Variants in LTBP2 observed in about 807,000 individuals in gnomAD.
The protein encoded by LTBP2 is latent-transforming growth factor beta-binding protein 2.
LTBP2 carries 103 observed loss-of-function variants against 210.6 expected under a neutral mutation model. The observed-to-expected ratio is 0.49, with a 90% CI of 0.42 to 0.58. LTBP2 has a LOEUF of 0.58. Among genes scored for constraint, LTBP2 ranks in the 20% least tolerant of loss-of-function variants. LTBP2 has a pLI of 0.00. For missense variants in LTBP2, 2,313 were observed against 2,494.5 expected (o/e 0.93, Z 1.55); for synonymous variants, 1,007 against 1,015.0 (o/e 0.99, Z 0.15).
intron 4 of LTBP2, among the ~76,000 whole-genome samples, chr14:74,555,146 G>T (rs2139751707): frequency 6.6e-6 from 1 of 152,290 alleles, no homozygotes; most frequent in African/African-American, 2.4e-5. Context: ...CAACTGGTTG[G>T]GTTGATCCAG....
At position 74,505,079 on chromosome 14, in the gene LTBP2, T is replaced by A; in HGVS notation, c.4273A>T (p.Ser1425Cys). 1 of 1,614,148 alleles carries A rather than the reference T, an allele frequency of 6.2e-7. No homozygotes were observed. The highest frequency in any genetic ancestry group is 8.5e-7 in the Non-Finnish European group (1 of 1,180,036). Reference sequence around the variant, plus strand: ...TGTGTGGTGTTCCGGCCCAGGACACTGGAGCAGGGCGCATGGCCCTTCTGC... The same window carrying A: ...TGTGTGGTGTTCCGGCCCAGGACACAGGAGCAGGGCGCATGGCCCTTCTGC... ...SGQKGHAPCS[S>C]VLGRNTTQAE... The change falls in exon 29 of 36, where the codon AGT becomes TGT. Residue 1425 changes from serine to cysteine, a missense_variant. This residue lies in a region of LTBP2 where 1,867 missense variants were observed against 1,976.9 expected (regional missense o/e 0.94). Transcript: ENST00000261978.
rs2088210079 is a variant in LTBP2 at position 74,586,686 on chromosome 14, G to A, written c.566-568C>T. On this transcript the variant is annotated intron_variant, in intron 2 of 35. Coordinates refer to ENST00000261978, the MANE Select transcript of LTBP2 (RefSeq NM_000428.3). This position sits in a 1 kb window ranked among gnomAD's most constrained non-coding sequence, Gnocchi z 4.6. ...TATTTGCGCCTAAATCACGGGAGGG[G>A]TGAACTAAGGAGGCTGGAGGACTCT... Among the ~76,000 whole-genome samples, 2 of 152,186 alleles carry A rather than the reference G, an allele frequency of 1.3e-5. No individual in the cohort carries two copies. The highest frequency in any genetic ancestry group is 2.9e-5 in the Non-Finnish European group (2 of 68,030).
intron 3 of LTBP2, among the ~76,000 whole-genome samples, chr14:74,564,139 A>ATATATATATATTTATATATATT (rs2087845726): frequency 1.1e-4 from 1 of 9,236 alleles, no homozygotes; most frequent in Non-Finnish European, 1.9e-4. Flanking sequence ...ATATATATTT[A>ATATATATATATTTATATATATT]TATATATATA....
chr14:74,504,199 G>A, intron 30 of LTBP2, 145 bp from the exon 31 acceptor site: 2 of 929,112 alleles, frequency 2.2e-6, no homozygotes, highest in Non-Finnish European at 3.4e-6. Context: ...AGTTCGCCTT[G>A]CCTCCGGTTC....
rs933383478 is a variant in LTBP2, at chr14:74,510,363, C to T, written c.3029-150G>A. On this transcript the variant is annotated intron_variant, in intron 19 of 35. Transcript: ENST00000261978. ...TGGGGAGGCCATGAGGCCATGCTCCCTCCTCCCACCTAGGCAGGGCAGGGC... is the reference window on the plus strand; with the variant it reads ...TGGGGAGGCCATGAGGCCATGCTCCTTCCTCCCACCTAGGCAGGGCAGGGC... The T allele has an allele frequency of 7.9e-6, 9 of 1,139,222 alleles. No individual in the cohort carries two copies. The Admixed American group carries it at 1.6e-4, about 20-fold the overall frequency. 70.6% of individuals were successfully genotyped at this position (1,139,222 alleles called of 1,614,324 possible). A position where few individuals can be genotyped will look rare whatever the true frequency, so the allele number is the denominator to read the frequency against.
rs699372 is a variant in LTBP2 at position 74,526,294 on chromosome 14, A to C, written c.2389-180T>G. ...GGGCATTCTGCCAGGCACTTTACAC[A>C]CACTCACTTCATTAACCTTCTCAAC... On this transcript the variant is annotated intron_variant, in intron 13 of 35. Coordinates refer to ENST00000261978, the MANE Select transcript of LTBP2 (RefSeq NM_000428.3). 0.34 allele frequency among the ~76,000 whole-genome samples: 51,967 copies of C among 152,178 alleles called. 9,500 individuals carry two copies. Among genetic ancestry groups the C allele is most frequent in the African/African-American group, 0.46 (19,157 of 41,480 alleles).
chr14:74,601,496 G>A (rs937726275), intron 2 of LTBP2, among the ~76,000 whole-genome samples: 24 of 152,218 alleles, frequency 1.6e-4, no homozygotes, highest in Non-Finnish European at 2.2e-4. Flanking sequence ...AGGCATCCAC[G>A]TTCCCTGAAA....
Position 74,500,850 on chromosome 14 carries a change from A to T in LTBP2, c.*34T>A. ...AGGCCCCTGCCTGTGACTGGAGGCC[A>T]TTTCCAGGTAGTTGCCACACTGACC... On this transcript the variant is annotated 3_prime_UTR_variant, in exon 36 of 36. Transcript: ENST00000261978. 1 of 1,613,144 alleles carries T rather than the reference A, an allele frequency of 6.2e-7. No individual in the cohort carries two copies. The highest frequency in any genetic ancestry group is 8.5e-7 in the Non-Finnish European group (1 of 1,179,904).
intron 2 of LTBP2, among the ~76,000 whole-genome samples, chr14:74,593,574 C>T (rs986867778): frequency 6.6e-5 from 10 of 152,320 alleles, no homozygotes; most frequent in African/African-American, 1.9e-4. Context: ...GAGAGTCTCA[C>T]ACTGTAGCCA....
Position 74,546,501 on chromosome 14 carries a change from G to C in LTBP2, c.1789+3362C>G, listed in dbSNP as rs546839837. ...AACTGCACTTTCATGTGTTTTTGAT[G>C]TTTATGTTGCCCTGGTCTTTGTTAT... is the stretch of plus-strand genomic sequence containing the variant. On this transcript the variant is annotated intron_variant, in intron 8 of 35. Transcript: ENST00000261978. 2.6e-5 allele frequency among the ~76,000 whole-genome samples: 4 copies of C among 152,332 alleles called. No individual in the cohort carries two copies. In the South Asian group the frequency reaches 6.2e-4, roughly 24 times the overall value.
chr14:74,537,088 A>G (rs1244288082), intron 8 of LTBP2, among the ~76,000 whole-genome samples: 1 of 152,016 alleles, frequency 6.6e-6, no homozygotes, highest in East Asian at 1.9e-4. Flanking sequence ...CCAACAAGGA[A>G]ATTATTCTCA....
intron 27 of LTBP2, among the ~76,000 whole-genome samples, 175 bp downstream of exon 27, chr14:74,506,523 G>A (rs1419068392): frequency 6.6e-6 from 1 of 152,178 alleles, no homozygotes; most frequent in Non-Finnish European, 1.5e-5. Context: ...CCCCTTACCC[G>A]CCCGGCCCAT....
chr14:74,579,674 G>A (rs985581758), intron 3 of LTBP2, among the ~76,000 whole-genome samples: 4 of 152,228 alleles, frequency 2.6e-5, no homozygotes, highest in Non-Finnish European at 5.9e-5. Flanking sequence ...AACAAGAGCT[G>A]CCCTGGTGCC....
chr14:74,524,012 C>G (rs1362138944), intron 15 of LTBP2, among the ~76,000 whole-genome samples: 1 of 152,078 alleles, frequency 6.6e-6, no homozygotes, highest in Non-Finnish European at 1.5e-5. Flanking sequence ...AAATGTCTGC[C>G]CAGAGGGGTG....
chr14:74,515,252 AT>A lies in LTBP2; in HGVS notation c.2908+1569del, dbSNP rs575476350. Among the ~76,000 whole-genome samples, 1,237 of 125,420 alleles carry A rather than the reference AT, an allele frequency of 9.9e-3. 6 individuals carry two copies. Among genetic ancestry groups the A allele is most frequent in the African/African-American group, 0.032 (1,032 of 32,326 alleles). 82.3% of individuals were successfully genotyped at this position (125,420 alleles called of 152,430 possible). ...ACACAGACTGGTTAATATAAATCTGATTTTTTTTTTTTTTTTTTTTTTGAGA... is the reference window on the plus strand; with the variant it reads ...ACACAGACTGGTTAATATAAATCTGATTTTTTTTTTTTTTTTTTTTTGAGA... On this transcript the variant is annotated intron_variant, in intron 18 of 35. Coordinates refer to ENST00000261978, the MANE Select transcript of LTBP2 (RefSeq NM_000428.3).
intron 6 of LTBP2, among the ~76,000 whole-genome samples, chr14:74,551,808 G>A (rs2087661216): frequency 6.6e-6 from 1 of 152,164 alleles, no homozygotes; most frequent in Non-Finnish European, 1.5e-5. Context: ...AAAGCATTCT[G>A]TATTTTTTTG....
rs533963888 is a variant in LTBP2 at position 74,568,052 on chromosome 14, G to A, written c.831-12359C>T. Among the ~76,000 whole-genome samples the A allele has an allele frequency of 2.6e-5, 4 of 152,298 alleles. No individual in the cohort carries two copies. In the East Asian group the frequency reaches 7.7e-4, roughly 29 times the overall value. On this transcript the variant is annotated intron_variant, in intron 3 of 35. Coordinates refer to ENST00000261978, the MANE Select transcript of LTBP2 (RefSeq NM_000428.3). ...CAGACTGGGGGGCAGGGGGTAGGGA[G>A]AGGCCGAGCATACCTGGTGCCTTCG...
chr14:74,518,395 C>T (rs796089147), intron 17 of LTBP2, among the ~76,000 whole-genome samples: 10 of 152,290 alleles, frequency 6.6e-5, no homozygotes, highest in African/African-American at 2.4e-4. Flanking sequence ...TTTCCTGCCG[C>T]CCGCACCTCT....
chr14:74,526,048 T>C (rs1329277358), intron 14 of LTBP2, 27 bp downstream of exon 14: 6 of 1,592,662 alleles, frequency 3.8e-6, no homozygotes, highest in Non-Finnish European at 5.1e-6. Context: ...CTCTTTTGCC[T>C]AGGAGCCGCC....
Sources: allele counts gnomAD v4.1 joint callset (sites outside exome capture counted in the v4.1 genomes callset), GRCh38; gene constraint gnomAD v4.1.1; regional missense constraint gnomAD v4.1.1; non-coding constraint Gnocchi (gnomAD v3.1); transcripts MANE v1.5; gene names NCBI Gene and HGNC (gene_info 2026-07-23, HGNC 2026-07-21).